NTAQ1: variants seen among roughly 807,000 people sequenced by gnomAD.
NTAQ1 encodes the protein N-terminal glutamine amidase 1.
A neutral mutation model predicts 28.2 loss-of-function variants in NTAQ1; 21 were observed. That is an observed-to-expected ratio of 0.74 (90% CI 0.53 to 1.07). The LOEUF is 1.07. Among genes scored for constraint, NTAQ1 ranks in the 50% least tolerant of loss-of-function variants. NTAQ1 has a pLI of 0.00. For synonymous variants in NTAQ1, 105 were observed against 90.0 expected, an observed-to-expected ratio of 1.17 and a Z score of -0.94; for missense variants, 264 against 256.6, an observed-to-expected ratio of 1.03 and a Z score of -0.20.
downstream of NTAQ1, among the ~76,000 whole-genome samples, chr8:123,473,838 G>A (rs1231778677): frequency 1.3e-5 from 2 of 152,000 alleles, no homozygotes; most frequent in Admixed American, 1.3e-4. Context: ...ACCTCTAATT[G>A]TGAAGGTTAA....
downstream of NTAQ1, among the ~76,000 whole-genome samples, chr8:123,445,969 C>CTTTTCCT (rs137961695): frequency 1.3e-4 from 19 of 150,736 alleles, no homozygotes; most frequent in African/African-American, 4.6e-4. Flanking sequence ...CTTTTCTTTC[C>CTTTTCCT]TTTTCCTTTT....
chr8:123,427,386 G>A (rs1316242547), intron 1 of NTAQ1, among the ~76,000 whole-genome samples: 5 of 150,786 alleles, frequency 3.3e-5, no homozygotes, highest in African/African-American at 7.3e-5. Context: ...CCAAGTAGCC[G>A]GGATTACAGG....
chr8:123,465,574 CTTT>C (rs71310691), intron 6 of NTAQ1, among the ~76,000 whole-genome samples: 4 of 78,560 alleles, frequency 5.1e-5, no homozygotes, highest in Non-Finnish European at 4.4e-5. Context: ...AGCATAACAT[CTTT>C]TTTTTTTTTT....
intron 5 of NTAQ1, among the ~76,000 whole-genome samples, chr8:123,438,418 G>T (rs1313691001): frequency 1.3e-5 from 2 of 152,156 alleles, no homozygotes; most frequent in Non-Finnish European, 2.9e-5. Flanking sequence ...CACTTTGGGA[G>T]GCTGAGGTGG....
At chr8:123,433,248 G>A (rs529141554) in intron 3 of NTAQ1, among the ~76,000 whole-genome samples, 1 of 152,174 alleles carries the variant, frequency 6.6e-6, no homozygotes, top group South Asian at 2.1e-4. Context: ...GCTGCCTAGT[G>A]TATAGGAATG....
chr8:123,449,408 A>G (rs1470288518), downstream of NTAQ1, among the ~76,000 whole-genome samples: 1 of 152,084 alleles, frequency 6.6e-6, no homozygotes, highest in Non-Finnish European at 1.5e-5. Flanking sequence ...TTCTTCATGG[A>G]GGATGCTTAT....
At chr8:123,444,760 C>T (rs1186910205), downstream of NTAQ1, among the ~76,000 whole-genome samples, 2 of 152,152 alleles carry the variant, frequency 1.3e-5, no homozygotes, top group African/African-American at 2.4e-5. Context: ...CCACTTGCCT[C>T]GACCTCCCAA....
At position 123,456,192 on chromosome 8, in the gene NTAQ1, TG is replaced by T. The variant is rs1480975557; in HGVS notation, c.373-10886del. Among the ~76,000 whole-genome samples, 20 of 152,238 alleles carry T rather than the reference TG, an allele frequency of 1.3e-4. 1 individual carries two copies. Among genetic ancestry groups the T allele is most frequent in the Admixed American group, 1.3e-3 (20 of 15,276 alleles). On this transcript the variant is annotated intron_variant, in intron 6 of 6. Transcript: ENST00000650311. Reference sequence around the variant, plus strand: ...GCAGAGGTTCCTATAATCTGACGGTTGTTGTATTTCTGGATAAACCCTTTGT... The same window carrying T: ...GCAGAGGTTCCTATAATCTGACGGTTTTGTATTTCTGGATAAACCCTTTGT...
chr8:123,440,822 G>C (rs1400076480), intron 5 of NTAQ1, among the ~76,000 whole-genome samples: 4 of 152,170 alleles, frequency 2.6e-5, no homozygotes, highest in African/African-American at 9.6e-5. Flanking sequence ...TTCATCGAGG[G>C]CTAATTTAGC....
At chr8:123,439,160 G>A (rs1431528652) in intron 5 of NTAQ1, among the ~76,000 whole-genome samples, 3 of 151,884 alleles carry the variant, frequency 2.0e-5, no homozygotes, top group African/African-American at 7.2e-5. Context: ...GGGCTGCCGA[G>A]GTGAGCACTG....
chr8:123,422,577 C>T (rs1387939759), intron 1 of NTAQ1, among the ~76,000 whole-genome samples: 1 of 149,686 alleles, frequency 6.7e-6, no homozygotes, highest in East Asian at 1.9e-4. Context: ...CCATGCCTGG[C>T]TGTAGGTTGT....
At chr8:123,419,754 CCCTT>C (rs1309645378) in intron 1 of NTAQ1, among the ~76,000 whole-genome samples, 6 of 83,748 alleles carry the variant, frequency 7.2e-5, no homozygotes, top group African/African-American at 7.7e-5. Flanking sequence ...CTCCCTCCCT[CCCTT>C]CCTTCCTTCC....
rs12677691 is a variant in NTAQ1, at chr8:123,457,472, A to C, written c.373-9607A>C. On this transcript the variant is annotated intron_variant, in intron 6 of 6. Transcript: ENST00000650311. Reference sequence around the variant, plus strand: ...GCCTTTACTTTCAAATTAAACCTATATTAAATATGTAATAAACCTATATTA... The same window carrying C: ...GCCTTTACTTTCAAATTAAACCTATCTTAAATATGTAATAAACCTATATTA... Among the ~76,000 whole-genome samples, 345 of 152,334 alleles carry C rather than the reference A, an allele frequency of 2.3e-3. 12 individuals carry two copies. In the East Asian group the frequency reaches 0.057, roughly 25 times the overall value.
chr8:123,475,507 T>C, the NTAQ1 span, among the ~76,000 whole-genome samples: 1 of 152,168 alleles, frequency 6.6e-6, no homozygotes, highest in African/African-American at 2.4e-5. Context: ...TTGTAAATTA[T>C]AAAATTGTAT....
chr8:123,438,737 A>G (rs1444686010), intron 5 of NTAQ1, among the ~76,000 whole-genome samples: 1 of 152,098 alleles, frequency 6.6e-6, no homozygotes, highest in Non-Finnish European at 1.5e-5. Context: ...CATTTGGCAT[A>G]TTTGAGGGGA....
At chr8:123,421,971 C>T (rs908234857) in intron 1 of NTAQ1, among the ~76,000 whole-genome samples, 55 of 151,984 alleles carry the variant, frequency 3.6e-4, no homozygotes, top group African/African-American at 8.7e-4. Context: ...TGAGCCACCG[C>T]GCCCAGCCTA....
At chr8:123,439,345 GT>G (rs34111480) in intron 5 of NTAQ1, among the ~76,000 whole-genome samples, 45,585 of 138,978 alleles carry the variant, frequency 0.33, 7,425 homozygotes, top group South Asian at 0.44. Flanking sequence ...CACCTGGCTA[GT>G]TTTTTTTTTT....
At chr8:123,427,584 A>C (rs1333305923) in intron 1 of NTAQ1, among the ~76,000 whole-genome samples, 3 of 152,134 alleles carry the variant, frequency 2.0e-5, no homozygotes, top group Admixed American at 6.6e-5. Flanking sequence ...AAAGGTTCTT[A>C]CCTTGTAAGT....
intron 4 of NTAQ1, among the ~76,000 whole-genome samples, chr8:123,436,892 G>A (rs1446331630): frequency 6.6e-6 from 1 of 151,952 alleles, no homozygotes; most frequent in Non-Finnish European, 1.5e-5. Flanking sequence ...TTTTGTTTTT[G>A]TGGGGATACC....
Sources: allele counts gnomAD v4.1 joint callset (sites outside exome capture counted in the v4.1 genomes callset), GRCh38; gene constraint gnomAD v4.1.1; transcripts MANE v1.5; gene names NCBI Gene and HGNC (gene_info 2026-07-23, HGNC 2026-07-21).